The following NCOA6 variants were observed in gnomAD, a reference collection of about 807,000 sequenced individuals.
NCOA6 encodes NRC RAP250.
In NCOA6, 49 loss-of-function variants were observed where a neutral mutation model predicts 171.4. That is an observed-to-expected ratio of 0.29 (90% CI 0.23 to 0.36). The LOEUF (loss-of-function observed/expected upper bound fraction) is 0.36. NCOA6 is among the 10% of genes least tolerant of loss of function. The pLI is 1.00. For missense variants in NCOA6, 2,248 were observed against 2,554.5 expected, an observed-to-expected ratio of 0.88 and a Z score of 2.59; for synonymous variants, 910 against 927.5, an observed-to-expected ratio of 0.98 and a Z score of 0.34.
At chr20:34,781,105 T>C (rs2077504131) in intron 3 of NCOA6, among the ~76,000 whole-genome samples, 1 of 152,244 alleles carries the variant, frequency 6.6e-6, no homozygotes, top group African/African-American at 2.4e-5. Flanking sequence ...TACAATGATG[T>C]TGATAACTAC....
intron 9 of NCOA6, among the ~76,000 whole-genome samples, chr20:34,748,746 T>A (rs1386203012): frequency 6.6e-6 from 1 of 152,190 alleles, no homozygotes; most frequent in East Asian, 1.9e-4. Context: ...GGTCCAATCA[T>A]CTTAGCGTGG....
rs753744643 is a variant in NCOA6, at chr20:34,757,435, C to A, written c.1313G>T (p.Gly438Val). The change falls in exon 7 of 15, where the codon GGA becomes GTA. Residue 438 changes from glycine to valine, a missense_variant. By Grantham distance (109) the Gly-to-Val change is moderately radical (BLOSUM62 -3). Coordinates refer to ENST00000359003, the MANE Select transcript of NCOA6 (RefSeq NM_014071.5). ...AACCGTTGGGGAGGATGCAGGGGAT[C>A]CCTGCTGGAAGGAGGAGGGTGAGGA... ...PASSPSSFQQ[G>V]SPASSPTVNQ... 4 of 1,613,520 alleles carry A rather than the reference C, an allele frequency of 2.5e-6. No individual in the cohort carries two copies. The highest frequency in any genetic ancestry group is 1.1e-5 in the South Asian group (1 of 91,008).
At chr20:34,810,804 A>G (rs1338348332) in intron 1 of NCOA6, among the ~76,000 whole-genome samples, 2 of 152,246 alleles carry the variant, frequency 1.3e-5, no homozygotes, top group East Asian at 3.9e-4. Context: ...TTGGCCTCCC[A>G]AAGTGCTGGG....
chr20:34,768,707 C>T, intron 4 of NCOA6, 121 bp from the exon 5 acceptor site: 2 of 1,187,354 alleles, frequency 1.7e-6, no homozygotes, highest in Non-Finnish European at 2.3e-6. Context: ...TAGTTTACCA[C>T]CAGAAAAATG....
intron 14 of NCOA6, among the ~76,000 whole-genome samples, chr20:34,721,802 T>C (rs1414834622): frequency 6.6e-6 from 1 of 152,126 alleles, no homozygotes. Context: ...ACGCCTGTAA[T>C]CCCAGCACTT....
intron 5 of NCOA6, among the ~76,000 whole-genome samples, 198 bp downstream of exon 5, chr20:34,768,266 C>T (rs981020329): frequency 3.9e-5 from 6 of 152,160 alleles, no homozygotes; most frequent in East Asian, 1.9e-4. Flanking sequence ...CCTTTAAGCA[C>T]GAGACCAAAA....
intron 4 of NCOA6, among the ~76,000 whole-genome samples, chr20:34,775,672 C>CAAAAAAAAAAAAAAAAA (rs570763953): frequency 2.6e-5 from 2 of 77,564 alleles, no homozygotes; most frequent in African/African-American, 5.0e-5. Flanking sequence ...GACTCTGTCT[C>CAAAAAAAAAAAAAAAAA]AAAAAAAAAA....
At chr20:34,806,996 C>T (rs1246938628) in intron 1 of NCOA6, among the ~76,000 whole-genome samples, 1 of 152,124 alleles carries the variant, frequency 6.6e-6, no homozygotes, top group African/African-American at 2.4e-5. Flanking sequence ...GGTGTTCATG[C>T]CTTTGTGTAA....
intron 10 of NCOA6, among the ~76,000 whole-genome samples, chr20:34,746,428 A>G (rs1051782016): frequency 6.6e-6 from 1 of 152,070 alleles, no homozygotes; most frequent in Non-Finnish European, 1.5e-5. Flanking sequence ...TTTTTAGTAG[A>G]GACAAGGTTT....
chr20:34,752,831 T>C (rs2076529063), intron 8 of NCOA6, among the ~76,000 whole-genome samples: 1 of 151,020 alleles, frequency 6.6e-6, no homozygotes, highest in African/African-American at 2.4e-5. Context: ...AGAAAAACGC[T>C]TGAACCTGGG....
intron 12 of NCOA6, among the ~76,000 whole-genome samples, chr20:34,735,642 C>CA (rs1331763668): frequency 1.9e-3 from 210 of 109,810 alleles, no homozygotes; most frequent in East Asian, 5.9e-3. Flanking sequence ...AACTCCATCT[C>CA]AAAAAAAAAA....
intron 14 of NCOA6, among the ~76,000 whole-genome samples, chr20:34,719,610 G>A (rs1425435289): frequency 6.7e-6 from 1 of 148,768 alleles, no homozygotes; most frequent in South Asian, 2.1e-4. Flanking sequence ...CAGCCTGGGC[G>A]ACAATCCGAG....
At chr20:34,818,627 C>T (rs2078913177) in intron 1 of NCOA6, among the ~76,000 whole-genome samples, 1 of 152,146 alleles carries the variant, frequency 6.6e-6, no homozygotes, top group African/African-American at 2.4e-5. Context: ...AGCACTGTCT[C>T]ATCTCCAAGT....
chr20:34,735,102 T>A (rs911629541), intron 12 of NCOA6, among the ~76,000 whole-genome samples: 1 of 152,120 alleles, frequency 6.6e-6, no homozygotes, highest in Non-Finnish European at 1.5e-5. Flanking sequence ...ACGCCAGACT[T>A]CCAAATGGAA....
intron 3 of NCOA6, among the ~76,000 whole-genome samples, chr20:34,779,675 A>G (rs920455558): frequency 2.6e-5 from 4 of 152,222 alleles, no homozygotes; most frequent in Non-Finnish European, 5.9e-5. Flanking sequence ...AAAGAAGGAA[A>G]AAAGAGATAA....
At chr20:34,729,544 AAACAAAAC>A (rs1305123181) in intron 13 of NCOA6, among the ~76,000 whole-genome samples, 2 of 136,130 alleles carry the variant, frequency 1.5e-5, no homozygotes, top group Non-Finnish European at 3.0e-5. Flanking sequence ...CAACAAAACA[AAACAAAAC>A]AAAACAAAAC....
At chr20:34,769,512 C>G (rs1199870566) in intron 4 of NCOA6, among the ~76,000 whole-genome samples, 1 of 151,660 alleles carries the variant, frequency 6.6e-6, no homozygotes, top group Admixed American at 6.6e-5. Context: ...TACAGGCGCC[C>G]ACCACCACGC....
chr20:34,787,898 G>C (rs2077736081), intron 2 of NCOA6, among the ~76,000 whole-genome samples: 1 of 145,156 alleles, frequency 6.9e-6, no homozygotes, highest in African/African-American at 2.6e-5. Context: ...ATGAAGTCTT[G>C]CTCTGTCACC....
At position 34,776,393 on chromosome 20, in the gene NCOA6, T is replaced by G; in HGVS notation, c.291A>C (p.Thr97=). The part of the protein sequence containing the change: ...KVEPWNSVRV[T]FNIPREAAER... ...CCGCTGCTTCCCGGGGGATGTTGAA[T>G]GTCACACGCACGCTGTTCCAGGGCT... is the stretch of plus-strand genomic sequence containing the variant. Residue 97 remains threonine (T), a synonymous_variant, in exon 4 of 15, where the codon ACA becomes ACC. Transcript: ENST00000359003. 1 of 1,614,192 alleles carries G rather than the reference T, an allele frequency of 6.2e-7. No individual in the cohort carries two copies. The highest frequency in any genetic ancestry group is 8.5e-7 in the Non-Finnish European group (1 of 1,180,028).
Sources: gnomAD v4.1 joint callset for allele counts (sites outside exome capture counted in the v4.1 genomes callset) on GRCh38, gnomAD v4.1.1 for gene constraint, MANE v1.5 for transcripts, NCBI Gene and HGNC (gene_info 2026-07-23, HGNC 2026-07-21) for gene names.